ESR1: variants seen among roughly 807,000 people sequenced by gnomAD.
ESR1 encodes estrogen receptor.
In ESR1, 12 loss-of-function variants were observed where a neutral mutation model predicts 52.7. The ratio of observed to expected loss-of-function variants is 0.23; its 90% CI spans 0.15 to 0.37. The LOEUF (loss-of-function observed/expected upper bound fraction) is 0.37, where lower values mean the gene tolerates loss of function less well. Ranked by LOEUF, ESR1 falls within the 10% of genes least tolerant of loss-of-function variation. The pLI is 1.00. For synonymous variants in ESR1, 305 were observed against 316.8 expected (o/e 0.96, Z 0.39); for missense variants, 584 against 779.7 (o/e 0.75, Z 2.99).
chr6:151,929,921 T>C lies in ESR1; in HGVS notation c.761-14252T>C, dbSNP rs529413101. Among the ~76,000 whole-genome samples, 24 of 152,278 alleles carry C rather than the reference T, an allele frequency of 1.6e-4. No homozygotes were observed. The East Asian group carries it at 4.6e-3, about 29-fold the overall frequency. On this transcript the variant is annotated intron_variant, in intron 3 of 7. Transcript: ENST00000206249. ...CCAAACGCTTCTTTTTGGTCTTTCG[T>C]AGTTTTATTTGAGCAATGTATGTCA...
intron 1 of ESR1, 152 bp downstream of exon 1, chr6:151,808,516 G>A: frequency 1.7e-6 from 1 of 582,534 alleles, no homozygotes; most frequent in Non-Finnish European, 2.6e-6. Context: ...GCGCGGCCCA[G>A]CCCGGGGGTT....
At chr6:151,966,849 C>T (rs1584522145) in intron 4 of ESR1, among the ~76,000 whole-genome samples, 2 of 152,212 alleles carry the variant, frequency 1.3e-5, no homozygotes, top group South Asian at 2.1e-4. Context: ...CCTCCTCAAG[C>T]CTCAATGCCC....
chr6:152,085,188 A>G (rs149545821), intron 6 of ESR1, among the ~76,000 whole-genome samples: 12 of 152,212 alleles, frequency 7.9e-5, no homozygotes, highest in African/African-American at 2.9e-4. Context: ...CTATAGACCC[A>G]GCTACTTGAG....
intron 4 of ESR1, among the ~76,000 whole-genome samples, chr6:151,991,692 C>A (rs1039544651): frequency 6.6e-6 from 1 of 152,080 alleles, no homozygotes; most frequent in Non-Finnish European, 1.5e-5. Flanking sequence ...GAAAGGACAT[C>A]GTGGTGGAAA....
At chr6:152,062,137 G>T (rs1010990564) in intron 6 of ESR1, among the ~76,000 whole-genome samples, 5 of 152,122 alleles carry the variant, frequency 3.3e-5, no homozygotes, top group Non-Finnish European at 5.9e-5. Context: ...TAGAGAATCC[G>T]CACTTCCTTC....
At chr6:151,721,767 G>C (rs1016758212) in intron 2 of ESR1, among the ~76,000 whole-genome samples, 1 of 152,148 alleles carries the variant, frequency 6.6e-6, no homozygotes, top group Non-Finnish European at 1.5e-5. Flanking sequence ...CAGACTAATT[G>C]GTTTACAGTT....
chr6:151,811,666 G>A (rs1315874542), intron 1 of ESR1, among the ~76,000 whole-genome samples: 1 of 152,132 alleles, frequency 6.6e-6, no homozygotes, highest in African/African-American at 2.4e-5. Flanking sequence ...TAAGTTTCAA[G>A]TTTCCGATAC....
chr6:152,063,322 C>T (rs1050084929), intron 6 of ESR1, among the ~76,000 whole-genome samples: 5 of 152,186 alleles, frequency 3.3e-5, no homozygotes, highest in African/African-American at 4.8e-5. Context: ...GATAACACAG[C>T]GGCTGGCAGC....
chr6:151,964,450 C>A (rs2128609900), intron 4 of ESR1, among the ~76,000 whole-genome samples: 1 of 152,102 alleles, frequency 6.6e-6, no homozygotes, highest in South Asian at 2.1e-4. Context: ...GAATTGTTTT[C>A]TTAATTTCCT....
chr6:152,099,443 T>C lies in ESR1; in HGVS notation c.*477T>C, dbSNP rs2050883007. 6.6e-6 allele frequency: 2 copies of C among 303,358 alleles called. No homozygotes were observed. The highest frequency in any genetic ancestry group is 1.3e-5 in the Non-Finnish European group (2 of 159,894). 18.8% of individuals were successfully genotyped at this position (303,358 alleles called of 1,614,324 possible). ...AGAAAGCTAGGTCAAGGGTTTATTATAGCACCCTCTTGTATTCCTATGGCA... is the reference window on the plus strand; with the variant it reads ...AGAAAGCTAGGTCAAGGGTTTATTACAGCACCCTCTTGTATTCCTATGGCA... On this transcript the variant is annotated 3_prime_UTR_variant, in exon 8 of 8. Coordinates refer to ENST00000206249, the MANE Select transcript of ESR1 (RefSeq NM_000125.4).
At chr6:152,068,527 G>A (rs1283383571) in intron 6 of ESR1, among the ~76,000 whole-genome samples, 1 of 140,246 alleles carries the variant, frequency 7.1e-6, no homozygotes, top group Non-Finnish European at 1.5e-5. Context: ...ATCAACATTT[G>A]TTTAAAACCA....
Position 152,094,497 on chromosome 6 carries a change from C to T in ESR1, c.1482C>T (p.Gly494=), listed in dbSNP as rs2050457168. Residue 494 remains glycine, a synonymous_variant, in exon 7 of 8, where the codon GGC becomes GGT. Coordinates refer to ENST00000206249, the MANE Select transcript of ESR1 (RefSeq NM_000125.4). This position sits in a 1 kb window ranked among gnomAD's most constrained non-coding sequence, Gnocchi z 4.6. ...DTLIHLMAKA[G]LTLQQQHQRL... ...TGATCCACCTGATGGCCAAGGCAGG[C>T]CTGACCCTGCAGCAGCAGCACCAGC... 6.2e-7 allele frequency: 1 copy of T among 1,614,110 alleles called. No individual in the cohort carries two copies. Among genetic ancestry groups the T allele is most frequent in the Non-Finnish European group, 8.5e-7 (1 of 1,179,988 alleles).
chr6:151,700,485 C>G (rs1779687137), intron 1 of ESR1, among the ~76,000 whole-genome samples: 1 of 152,086 alleles, frequency 6.6e-6, no homozygotes, highest in African/African-American at 2.4e-5. Context: ...AAAAACACAA[C>G]TACCAAAGTC....
chr6:152,005,931 G>A (rs1392972410), intron 4 of ESR1, among the ~76,000 whole-genome samples: 1 of 152,074 alleles, frequency 6.6e-6, no homozygotes, highest in Non-Finnish European at 1.5e-5. Context: ...AAGAAAGAAA[G>A]AGTCAGCTTG....
chr6:151,997,442 A>G (rs1290868578), intron 4 of ESR1, among the ~76,000 whole-genome samples: 2 of 152,126 alleles, frequency 1.3e-5, no homozygotes, highest in Non-Finnish European at 2.9e-5. Flanking sequence ...TAAAGGTTTA[A>G]TTGTAATCAT....
chr6:151,664,298 A>G (rs1249243566), intron 1 of ESR1, among the ~76,000 whole-genome samples: 1 of 152,254 alleles, frequency 6.6e-6, no homozygotes, highest in Non-Finnish European at 1.5e-5. Flanking sequence ...CAGATAAACA[A>G]GGATACCATT....
intron 1 of ESR1, 93 bp downstream of exon 1, chr6:151,808,457 G>C (rs1778239760): frequency 8.7e-7 from 1 of 1,152,426 alleles, no homozygotes; most frequent in Non-Finnish European, 1.1e-6. Flanking sequence ...AGGGAGCTGC[G>C]GGAGCCGCGG....
At chr6:151,657,667 T>C (rs9397440) in intron 1 of ESR1, among the ~76,000 whole-genome samples, 23,911 of 152,086 alleles carry the variant, frequency 0.16, 2,774 homozygotes, top group African/African-American at 0.32. Flanking sequence ...TTCCTGCAAA[T>C]CTATCTTGAA....
intron 5 of ESR1, among the ~76,000 whole-genome samples, chr6:152,014,687 C>T (rs2043033520): frequency 6.6e-6 from 1 of 152,084 alleles, no homozygotes; most frequent in African/African-American, 2.4e-5. Context: ...CCTCTATCCC[C>T]ATTCCTCTGC....
Sources: gnomAD v4.1 joint callset for allele counts (sites outside exome capture counted in the v4.1 genomes callset) on GRCh38, gnomAD v4.1.1 for gene constraint, Gnocchi (gnomAD v3.1) non-coding constraint, MANE v1.5 for transcripts, NCBI Gene and HGNC (gene_info 2026-07-23, HGNC 2026-07-21) for gene names.